Variants in CSMD2 observed in about 807,000 individuals in gnomAD.
The protein encoded by CSMD2 is CUB and Sushi multiple domains 2, also known as CUB and sushi domain-containing protein 2.
In CSMD2, 130 loss-of-function variants were observed where a neutral mutation model predicts 398.5. That is an observed-to-expected ratio of 0.33 (90% CI 0.28 to 0.38). The LOEUF is 0.38. Among genes scored for constraint, CSMD2 ranks in the 10% least tolerant of loss-of-function variants. The probability of loss-of-function intolerance (pLI) is 1.00; values close to 1 mark genes in which losing one functional copy is unlikely to be tolerated. For missense variants in CSMD2, 3,829 were observed against 4,764.9 expected (o/e 0.80, Z 5.78); for synonymous variants, 1,828 against 1,908.5 (o/e 0.96, Z 1.10).
chr1:33,635,714 C>T lies in CSMD2; in HGVS notation c.4970-384G>A, dbSNP rs1226025072. On this transcript the variant is annotated intron_variant, in intron 30 of 70. Coordinates refer to ENST00000373381, the MANE Select transcript of CSMD2 (RefSeq NM_001281956.2). This position sits in a 1 kb window ranked among gnomAD's most constrained non-coding sequence, Gnocchi z 5.0. Reference sequence around the variant, plus strand: ...GACATCTAACCTGGACAGTGAGTGTCAGTGTGAATAGGGAGCTGAAGCTTC... The same window carrying T: ...GACATCTAACCTGGACAGTGAGTGTTAGTGTGAATAGGGAGCTGAAGCTTC... 6.6e-6 allele frequency among the ~76,000 whole-genome samples: 1 copy of T among 152,172 alleles called. No homozygotes were observed. Among genetic ancestry groups the T allele is most frequent in the Admixed American group, 6.5e-5 (1 of 15,284 alleles).
intron 29 of CSMD2, among the ~76,000 whole-genome samples, chr1:33,638,159 A>T (rs868530811): frequency 2.1e-4 from 32 of 152,128 alleles, no homozygotes; most frequent in African/African-American, 6.5e-4. Flanking sequence ...GGCACTCCTC[A>T]GTGGTTTCCT....
intron 13 of CSMD2, among the ~76,000 whole-genome samples, chr1:33,762,846 G>A (rs1264971206): frequency 1.3e-5 from 2 of 152,100 alleles, no homozygotes; most frequent in South Asian, 4.1e-4. Flanking sequence ...TCACTTGCCC[G>A]GTGCTGAGTG....
rs771872339 is a variant in CSMD2, at chr1:33,714,647, G to A, written c.3346C>T (p.Arg1116Cys). The A allele has an allele frequency of 3.7e-5, 60 of 1,613,850 alleles. No individual in the cohort carries two copies. Among genetic ancestry groups the A allele is most frequent in the South Asian group, 1.6e-4 (15 of 91,086 alleles). Residue 1116 changes from arginine (R) to cysteine (C), a missense_variant, in exon 21 of 71, where the codon CGC becomes TGC. Arg to Cys is a radical substitution (Grantham distance 180). This residue lies in a region of CSMD2 where 2,001 missense variants were observed against 2,567.1 expected (regional missense o/e 0.78). Transcript: ENST00000373381. ...CGTCTGCCCCCCAGGCACGTGATGCGGGCGGTGCCCTCCAGACGGTACCCG... is the reference window on the plus strand; with the variant it reads ...CGTCTGCCCCCCAGGCACGTGATGCAGGCGGTGCCCTCCAGACGGTACCCG... Reference protein sequence around the residue: ...FPGYRLEGTARITCLGGRRRL... With the variant: ...FPGYRLEGTACITCLGGRRRL...
At position 33,529,695 on chromosome 1, in the gene CSMD2, G is replaced by A. The variant is rs150216989; in HGVS notation, c.10172-2437C>T. Among the ~76,000 whole-genome samples the A allele has an allele frequency of 1.8e-3, 270 of 152,100 alleles. 1 individual carries two copies. The highest frequency in any genetic ancestry group is 6.3e-3 in the African/African-American group (261 of 41,488). ...TAGAAAACTCTAAGAATAAAACATA[G>A]GCATAAATCTTTGTGACCTTGGATG... On this transcript the variant is annotated intron_variant, in intron 64 of 70. Transcript: ENST00000373381.
intron 5 of CSMD2, among the ~76,000 whole-genome samples, chr1:33,917,679 A>G (rs1643795577): frequency 6.6e-6 from 1 of 152,200 alleles, no homozygotes; most frequent in African/African-American, 2.4e-5. Context: ...ATTAAGACTA[A>G]AAATGTTCTA....
chr1:33,721,010 A>T (rs1379103878), intron 19 of CSMD2, among the ~76,000 whole-genome samples: 1 of 152,146 alleles, frequency 6.6e-6, no homozygotes, highest in Non-Finnish European at 1.5e-5. Flanking sequence ...TAGCGATTTT[A>T]TAATTTGGGG....
chr1:34,048,041 G>C (rs1211160102), intron 2 of CSMD2, among the ~76,000 whole-genome samples: 3 of 152,156 alleles, frequency 2.0e-5, no homozygotes, highest in Non-Finnish European at 4.4e-5. Context: ...GAGCCAACTT[G>C]GTCTTCCATG....
intron 3 of CSMD2, among the ~76,000 whole-genome samples, chr1:33,981,917 G>C (rs1646183551): frequency 6.6e-6 from 1 of 152,210 alleles, no homozygotes; most frequent in Non-Finnish European, 1.5e-5. Context: ...GGAGGGCTGA[G>C]AAAGGGCAGA....
intron 19 of CSMD2, among the ~76,000 whole-genome samples, chr1:33,718,166 T>A (rs377677756): frequency 4.3e-4 from 66 of 152,324 alleles, no homozygotes; most frequent in African/African-American, 1.6e-3. Context: ...GGCAATCCGA[T>A]TGCAGAGGCT....
chr1:33,601,615 C>G (rs534484451), intron 43 of CSMD2, among the ~76,000 whole-genome samples: 1 of 152,230 alleles, frequency 6.6e-6, no homozygotes, highest in African/African-American at 2.4e-5. Flanking sequence ...GCAGTAACCA[C>G]CAAACAAAGG....
At chr1:33,781,895 GC>G (rs1057489655) in intron 12 of CSMD2, among the ~76,000 whole-genome samples, 3 of 141,950 alleles carry the variant, frequency 2.1e-5, no homozygotes, top group African/African-American at 5.3e-5. Flanking sequence ...CCCCTCCCCC[GC>G]CCCCTGACCT....
chr1:34,165,591 CACACACAA>C (rs1051928583), upstream of CSMD2, among the ~76,000 whole-genome samples: 12 of 149,514 alleles, frequency 8.0e-5, no homozygotes, highest in African/African-American at 2.8e-4. Flanking sequence ...TCCACACACA[CACACACAA>C]ACACACACAC....
chr1:34,031,021 T>C (rs752320681), intron 3 of CSMD2, among the ~76,000 whole-genome samples: 12 of 152,108 alleles, frequency 7.9e-5, no homozygotes, highest in Non-Finnish European at 1.6e-4. Context: ...GAGAATTACT[T>C]TGGATTCAGG....
At chr1:33,701,405 C>A (rs1645609019) in intron 22 of CSMD2, among the ~76,000 whole-genome samples, 1 of 152,184 alleles carries the variant, frequency 6.6e-6, no homozygotes, top group Non-Finnish European at 1.5e-5. Flanking sequence ...ACTGGCTCCC[C>A]AGGTTTCAAG....
chr1:33,603,839 T>C lies in CSMD2; in HGVS notation c.6533-1293A>G, dbSNP rs187442291. Among the ~76,000 whole-genome samples, 146 of 152,162 alleles carry C rather than the reference T, an allele frequency of 9.6e-4. 1 individual carries two copies. Among genetic ancestry groups the C allele is most frequent in the Middle Eastern group, 3.4e-3 (1 of 294 alleles). On this transcript the variant is annotated intron_variant, in intron 42 of 70. Transcript: ENST00000373381. ...GATGACTAGGGTTAAGTAGGCAAGG[T>C]AAGAGAGAGGAATGCTGTATGGGAA...
intron 5 of CSMD2, among the ~76,000 whole-genome samples, chr1:33,917,794 C>T (rs944451660): frequency 1.3e-5 from 2 of 152,218 alleles, no homozygotes; most frequent in African/African-American, 4.8e-5. Flanking sequence ...ACCCTGTCCA[C>T]ATCCTGAGAC....
At chr1:33,654,910 C>G (rs1236737147) in intron 27 of CSMD2, among the ~76,000 whole-genome samples, 1 of 152,260 alleles carries the variant, frequency 6.6e-6, no homozygotes, top group African/African-American at 2.4e-5. Context: ...CACCAACCCC[C>G]AAAGTACTAT....
chr1:33,776,666 G>A (rs1652018985), intron 12 of CSMD2, among the ~76,000 whole-genome samples: 4 of 152,058 alleles, frequency 2.6e-5, no homozygotes. Flanking sequence ...TAGAGAAAGG[G>A]GTAGGAGGAT....
At chr1:33,722,970 T>G (rs1319465810) in intron 19 of CSMD2, among the ~76,000 whole-genome samples, 2 of 152,188 alleles carry the variant, frequency 1.3e-5, no homozygotes, top group Admixed American at 6.6e-5. Context: ...ATTTATTACA[T>G]AATCCATCCT....
Sources: gnomAD v4.1 joint callset for allele counts (sites outside exome capture counted in the v4.1 genomes callset) on GRCh38, gnomAD v4.1.1 for gene constraint, gnomAD v4.1.1 regional missense constraint, Gnocchi (gnomAD v3.1) non-coding constraint, MANE v1.5 for transcripts, NCBI Gene and HGNC (gene_info 2026-07-23, HGNC 2026-07-21) for gene names.